NALF1: variants seen among roughly 807,000 people sequenced by gnomAD.
NALF1 encodes family with sequence similarity 155 member A.
In NALF1, 3 loss-of-function variants were observed where a neutral mutation model predicts 48.4. The ratio of observed to expected loss-of-function variants is 0.06; its 90% confidence interval spans 0.03 to 0.16. The LOEUF (loss-of-function observed/expected upper bound fraction) is 0.16, where lower values mean the gene tolerates loss of function less well. Among genes scored for constraint, NALF1 ranks in the 10% least tolerant of loss-of-function variants. The pLI is 1.00. For missense variants in NALF1, 526 were observed against 571.5 expected (o/e 0.92, Z 0.81); for synonymous variants, 262 against 245.7 (o/e 1.07, Z -0.62).
At chr13:107,818,343 T>C (rs1879237424) in intron 1 of NALF1, among the ~76,000 whole-genome samples, 1 of 152,144 alleles carries the variant, frequency 6.6e-6, no homozygotes, top group South Asian at 2.1e-4. Flanking sequence ...AAAAAACTTT[T>C]GCTCAGGGCC....
chr13:107,784,482 T>A (rs1249589878), intron 1 of NALF1, among the ~76,000 whole-genome samples: 2 of 152,126 alleles, frequency 1.3e-5, no homozygotes, highest in Non-Finnish European at 2.9e-5. Flanking sequence ...GATGAAACAT[T>A]TTAAGGTCTG....
intron 1 of NALF1, among the ~76,000 whole-genome samples, chr13:107,271,492 C>T (rs1464437579): frequency 6.6e-6 from 1 of 151,942 alleles, no homozygotes; most frequent in African/African-American, 2.4e-5. Context: ...GGAATTGCTC[C>T]AATAGCCTGA....
intron 1 of NALF1, among the ~76,000 whole-genome samples, chr13:107,303,424 G>T (rs1048296201): frequency 6.6e-6 from 1 of 152,118 alleles, no homozygotes; most frequent in Non-Finnish European, 1.5e-5. Context: ...AATTGTATAG[G>T]TTAATAAATA....
chr13:107,335,455 G>C (rs1882538603), intron 1 of NALF1, among the ~76,000 whole-genome samples: 1 of 152,136 alleles, frequency 6.6e-6, no homozygotes, highest in African/African-American at 2.4e-5. Flanking sequence ...GCACGTATAA[G>C]ACTTCCTATT....
intron 1 of NALF1, among the ~76,000 whole-genome samples, chr13:107,519,731 T>C (rs1247555703): frequency 2.0e-5 from 3 of 152,308 alleles, no homozygotes; most frequent in Admixed American, 2.0e-4. Flanking sequence ...TAATGAACAC[T>C]ATTTTCTGGC....
intron 1 of NALF1, among the ~76,000 whole-genome samples, chr13:107,687,180 A>C (rs1270464364): frequency 5.9e-5 from 9 of 152,182 alleles, no homozygotes; most frequent in Admixed American, 5.2e-4. Context: ...CATTTTCCTA[A>C]GTGAATTAAT....
intron 2 of NALF1, among the ~76,000 whole-genome samples, chr13:107,205,965 T>A (rs1011796753): frequency 6.6e-6 from 1 of 151,976 alleles, no homozygotes; most frequent in African/African-American, 2.4e-5. Context: ...CGATGACGGG[T>A]TGACATCGTA....
intron 1 of NALF1, among the ~76,000 whole-genome samples, chr13:107,779,668 A>T (rs1877830359): frequency 6.6e-6 from 1 of 152,208 alleles, no homozygotes; most frequent in Admixed American, 6.5e-5. Context: ...ACTAAGTTTG[A>T]CACTGAATTT....
At chr13:107,729,711 T>G (rs1876255084) in intron 1 of NALF1, among the ~76,000 whole-genome samples, 1 of 152,162 alleles carries the variant, frequency 6.6e-6, no homozygotes, top group Admixed American at 6.5e-5. Context: ...ACTCCTGACC[T>G]CAGGTAATCC....
chr13:107,533,887 C>T (rs76359968), intron 1 of NALF1, among the ~76,000 whole-genome samples: 3,137 of 152,070 alleles, frequency 0.021, 111 homozygotes, highest in African/African-American at 0.071. Flanking sequence ...GTTCTACAAA[C>T]TGTTTGAAAA....
intron 1 of NALF1, among the ~76,000 whole-genome samples, chr13:107,856,851 A>T (rs1030920817): frequency 6.6e-6 from 1 of 152,146 alleles, no homozygotes; most frequent in African/African-American, 2.4e-5. Flanking sequence ...TCCCATTTGT[A>T]CATCTTCTGT....
At chr13:107,600,040 AG>A (rs921514233) in intron 1 of NALF1, among the ~76,000 whole-genome samples, 1 of 152,220 alleles carries the variant, frequency 6.6e-6, no homozygotes, top group Admixed American at 6.5e-5. Context: ...TAAATATCTC[AG>A]TTGCTTTTCA....
At chr13:107,480,642 T>C (rs1387694668) in intron 1 of NALF1, among the ~76,000 whole-genome samples, 1 of 152,186 alleles carries the variant, frequency 6.6e-6, no homozygotes, top group Non-Finnish European at 1.5e-5. Context: ...AAATTTGTGT[T>C]GGGCCTCATT....
intron 1 of NALF1, among the ~76,000 whole-genome samples, chr13:107,755,638 T>C (rs1877074185): frequency 6.6e-6 from 1 of 151,632 alleles, no homozygotes; most frequent in African/African-American, 2.4e-5. Flanking sequence ...ATAATGAACA[T>C]ATGTTGATAG....
chr13:107,528,891 A>G (rs1391687065), intron 1 of NALF1, among the ~76,000 whole-genome samples: 1 of 152,180 alleles, frequency 6.6e-6, no homozygotes, highest in East Asian at 1.9e-4. Flanking sequence ...ACAAAAGCAC[A>G]ATGAAATCTT....
rs1594131433 is a variant in NALF1 at position 107,348,654 on chromosome 13, T to C, written c.916-137899A>G. Among the ~76,000 whole-genome samples, 8 of 152,026 alleles carry C rather than the reference T, an allele frequency of 5.3e-5. No individual in the cohort carries two copies. In the South Asian group the frequency reaches 1.7e-3, roughly 32 times the overall value. On this transcript the variant is annotated intron_variant, in intron 1 of 2. Coordinates refer to ENST00000375915, the MANE Select transcript of NALF1 (RefSeq NM_001080396.3). ...TTCCCCTCCCTGTGTCCACATGTTC[T>C]CATTGTTCAACTCCCACTTATGAGT...
Position 107,323,553 on chromosome 13 carries a change from C to A in NALF1, c.916-112798G>T, listed in dbSNP as rs545115528. 2.6e-5 allele frequency among the ~76,000 whole-genome samples: 4 copies of A among 152,116 alleles called. No individual in the cohort carries two copies. The East Asian group carries it at 5.8e-4, about 22-fold the overall frequency. ...TTTTTAAAAACACAAATCTGATCAA[C>A]TTCCTCTGCTTAAAGTCTTCCAATG... On this transcript the variant is annotated intron_variant, in intron 1 of 2. Coordinates refer to ENST00000375915, the MANE Select transcript of NALF1 (RefSeq NM_001080396.3).
At chr13:107,808,242 C>T (rs559394972) in intron 1 of NALF1, among the ~76,000 whole-genome samples, 16 of 152,182 alleles carry the variant, frequency 1.1e-4, no homozygotes, top group African/African-American at 3.9e-4. Context: ...GCCTTGTTAT[C>T]AGGCATACAT....
intron 1 of NALF1, among the ~76,000 whole-genome samples, chr13:107,213,034 G>A (rs903084159): frequency 5.9e-5 from 9 of 151,976 alleles, no homozygotes; most frequent in African/African-American, 1.9e-4. Context: ...ATCGCATCCT[G>A]CAGCCATAAA....
Sources: allele counts gnomAD v4.1 joint callset (sites outside exome capture counted in the v4.1 genomes callset), GRCh38; gene constraint gnomAD v4.1.1; transcripts MANE v1.5; gene names NCBI Gene and HGNC (gene_info 2026-07-23, HGNC 2026-07-21).